Variants in AREL1 observed in about 807,000 individuals in gnomAD.
AREL1 encodes apoptosis-resistant E3 ubiquitin protein ligase 1.
Under a neutral mutation model 99.0 loss-of-function variants are expected in AREL1, and 62 were observed. The ratio of observed to expected loss-of-function variants is 0.63; its 90% CI spans 0.51 to 0.77. AREL1 has a LOEUF of 0.77. Ranked by LOEUF, AREL1 falls within the 30% of genes least tolerant of loss-of-function variation. The pLI, the probability that AREL1 is intolerant of heterozygous loss-of-function variation, is 0.00. For missense variants in AREL1, 879 were observed against 1,027.6 expected (o/e 0.86, Z 1.98); for synonymous variants, 380 against 376.5 (o/e 1.01, Z -0.11).
At chr14:74,675,076 A>T (rs2089441267) in intron 8 of AREL1, among the ~76,000 whole-genome samples, 1 of 152,240 alleles carries the variant, frequency 6.6e-6, no homozygotes, top group Non-Finnish European at 1.5e-5. Context: ...ACTAAAGAAG[A>T]CAAAGAAGTA....
intron 3 of AREL1, 106 bp from the exon 4 acceptor site, chr14:74,684,786 G>T: frequency 1.1e-6 from 1 of 940,204 alleles, no homozygotes; most frequent in Non-Finnish European, 1.6e-6. Flanking sequence ...GTCAGGATGA[G>T]ACTGTAAGAC....
intron 5 of AREL1, among the ~76,000 whole-genome samples, chr14:74,677,747 C>T (rs896695198): frequency 4.6e-5 from 7 of 151,020 alleles, no homozygotes; most frequent in Admixed American, 1.3e-4. Context: ...GTAATTTGCC[C>T]GCCTCGGCCT....
intron 1 of AREL1, chr14:74,698,957 G>A (rs2090026757): frequency 4.5e-5 from 7 of 156,214 alleles, no homozygotes; most frequent in Admixed American, 4.5e-4. Context: ...CCAGGAGGGT[G>A]AGGCTGCAGG....
intron 12 of AREL1, 67 bp from the exon 13 acceptor site, chr14:74,670,938 G>A (rs1025864007): frequency 6.9e-6 from 9 of 1,301,966 alleles, no homozygotes; most frequent in African/African-American, 5.8e-5. Flanking sequence ...TGTTTATTGA[G>A]TCATCATTTT....
rs2090348275 is a variant in AREL1 at position 74,713,044 on chromosome 14, T to C, written c.-445A>G. On this transcript the variant is annotated 5_prime_UTR_variant, in exon 1 of 20. Transcript: ENST00000356357. Reference sequence around the variant, plus strand: ...CTCTCCCACCAACAGACCCCAGAGTTGGTCTCCACCCGGCCTGGGAACCGG... The same window carrying C: ...CTCTCCCACCAACAGACCCCAGAGTCGGTCTCCACCCGGCCTGGGAACCGG... 5 of 1,305,874 alleles carry C rather than the reference T, an allele frequency of 3.8e-6. No homozygotes were observed. The highest frequency in any genetic ancestry group is 3.6e-5 in the South Asian group (3 of 83,866). The allele number at this position is 1,305,874 out of a possible 1,614,324, so 80.9% of individuals were successfully genotyped here.
chr14:74,708,378 C>T (rs927661786), intron 1 of AREL1, among the ~76,000 whole-genome samples: 2 of 152,198 alleles, frequency 1.3e-5, no homozygotes, highest in African/African-American at 4.8e-5. Flanking sequence ...TAACCCCTTT[C>T]TATGAACTGT....
intron 4 of AREL1, 74 bp downstream of exon 4, chr14:74,684,380 G>T: frequency 7.5e-7 from 1 of 1,341,538 alleles, no homozygotes; most frequent in Non-Finnish European, 1.1e-6. Flanking sequence ...TAACATTCCA[G>T]GCCAGCACCT....
chr14:74,690,958 A>G (rs1409871041), intron 2 of AREL1: 1 of 151,066 alleles, frequency 6.6e-6, no homozygotes, highest in East Asian at 1.9e-4. Context: ...TTTTTTTTTT[A>G]AGCTGGGCTT....
rs531909284 is a variant in AREL1 at position 74,676,390 on chromosome 14, A to G, written c.652-69T>C. 1.3e-3 allele frequency: 2,021 copies of G among 1,537,824 alleles called. 18 individuals carry two copies. In the Middle Eastern group the frequency reaches 0.019, roughly 15 times the overall value. ...CCATTTACAAGCCACTTTACTCCTT[A>G]CAAAGAGCTTTCCTATCTATGATCT... On this transcript the variant is annotated intron_variant, in intron 6 of 19. Coordinates refer to ENST00000356357, the MANE Select transcript of AREL1 (RefSeq NM_001039479.2).
Position 74,692,057 on chromosome 14 carries a change from A to G in AREL1, c.-62T>C. 2.5e-6 allele frequency: 1 copy of G among 399,792 alleles called. No homozygotes were observed. Among genetic ancestry groups the G allele is most frequent in the Non-Finnish European group, 4.8e-6 (1 of 208,384 alleles). 24.8% of individuals were successfully genotyped at this position (399,792 alleles called of 1,614,324 possible). A position where few individuals can be genotyped will look rare whatever the true frequency, so the allele number is the denominator to read the frequency against. ...TTACCTTACCTTTAAACGAGGGCCC[A>G]TGTTCTGAGAACCAAGTAGAGCACT... On this transcript the variant is annotated 5_prime_UTR_variant, in exon 2 of 20. An upstream start codon of the reference 5' UTR is lost. Transcript: ENST00000356357.
chr14:74,693,856 T>C (rs1234653792), intron 1 of AREL1, among the ~76,000 whole-genome samples: 1 of 152,188 alleles, frequency 6.6e-6, no homozygotes, highest in African/African-American at 2.4e-5. Context: ...TCATTAAAAA[T>C]AAATAAGTAT....
intron 17 of AREL1, 140 bp downstream of exon 17, chr14:74,667,178 TG>T: frequency 1.1e-6 from 1 of 876,666 alleles, no homozygotes; most frequent in Non-Finnish European, 1.8e-6. Flanking sequence ...GGTCAATGAA[TG>T]GAGGAGCGAC....
At chr14:74,691,324 T>TAAAAA (rs11407786) in intron 2 of AREL1, among the ~76,000 whole-genome samples, 1 of 72,794 alleles carries the variant, frequency 1.4e-5, no homozygotes, top group Non-Finnish European at 2.4e-5. Context: ...TGTCTCCATT[T>TAAAAA]AAAAAAAAAA....
intron 5 of AREL1, chr14:74,678,314 T>C (rs1419855892): frequency 1.7e-5 from 7 of 423,380 alleles, no homozygotes; most frequent in South Asian, 8.4e-5. Flanking sequence ...CTGGGCAACA[T>C]AGTGAGACCC....
rs187569668 is a variant in AREL1, at chr14:74,700,853, C to T, written c.-333-8525G>A. Among the ~76,000 whole-genome samples, 623 of 152,242 alleles carry T rather than the reference C, an allele frequency of 4.1e-3. 5 individuals are homozygous for T. Among genetic ancestry groups the T allele is most frequent in the African/African-American group, 0.014 (586 of 41,530 alleles). On this transcript the variant is annotated intron_variant, in intron 1 of 19. Transcript: ENST00000356357. ...CATTTTAGACTTTAAGCAACAACAA[C>T]AACAAAAAGATGTTTTTTAACCGAG... is the stretch of plus-strand genomic sequence containing the variant.
In AREL1 at chr14:74,692,172, G is replaced by A. The variant is rs2089896328; in HGVS notation, c.-177C>T. 1 of 449,432 alleles carries A rather than the reference G, an allele frequency of 2.2e-6. No homozygotes were observed. The highest frequency in any genetic ancestry group is 2.5e-5 in the Admixed American group (1 of 40,040). 27.8% of individuals were successfully genotyped at this position (449,432 alleles called of 1,614,324 possible). ...AAAAACGCCACAAGGTCAACAGAAA[G>A]GGTCTATCCATCAGACTTTGTCACA... On this transcript the variant is annotated 5_prime_UTR_variant, in exon 2 of 20. Transcript: ENST00000356357.
chr14:74,689,820 T>G (rs965310855), intron 2 of AREL1, among the ~76,000 whole-genome samples: 3 of 151,628 alleles, frequency 2.0e-5, no homozygotes, highest in Admixed American at 6.6e-5. Flanking sequence ...GATCTCAAAC[T>G]CCCAACCTGA....
At chr14:74,710,411 C>T (rs968946243) in intron 1 of AREL1, among the ~76,000 whole-genome samples, 1 of 152,048 alleles carries the variant, frequency 6.6e-6, no homozygotes, top group Admixed American at 6.6e-5. Flanking sequence ...GTACACATTA[C>T]CAGAAGAGCG....
rs760747453 is a variant in AREL1, at chr14:74,672,888, C to T, written c.1365G>A (p.Met455Ile). ...GGGTGACTTTGGAATGTGGTCTTTT[C>T]ATATGTACCTGCCGAAGCTCTCGCT... is the stretch of plus-strand genomic sequence containing the variant. ...FFQRELRQVH[M>I]KRPHSKVTLK... The change falls in exon 11 of 20, where the codon ATG becomes ATA. Residue 455 changes from methionine to isoleucine, a missense_variant. Physicochemically the swap from Met to Ile is conservative, Grantham distance 10. Coordinates refer to ENST00000356357, the MANE Select transcript of AREL1 (RefSeq NM_001039479.2). The T allele has an allele frequency of 6.2e-7, 1 of 1,614,162 alleles. No homozygotes were observed.
Sources: allele counts gnomAD v4.1 joint callset (sites outside exome capture counted in the v4.1 genomes callset), GRCh38; gene constraint gnomAD v4.1.1; transcripts MANE v1.5; gene names NCBI Gene and HGNC (gene_info 2026-07-23, HGNC 2026-07-21).